GAB2: variants seen among roughly 807,000 people sequenced by gnomAD.
The protein encoded by GAB2 is GRB2 associated binding protein 2.
In GAB2, 26 loss-of-function variants were observed where a neutral mutation model predicts 65.5. The observed-to-expected ratio is 0.40, with a 90% confidence interval of 0.29 to 0.55. GAB2 has a LOEUF of 0.55. Ranked by LOEUF, GAB2 falls within the 20% of genes least tolerant of loss-of-function variation. GAB2 has a pLI of 0.53. For synonymous variants in GAB2, 321 were observed against 329.6 expected, an observed-to-expected ratio of 0.97 and a Z score of 0.28; for missense variants, 884 against 875.8, an observed-to-expected ratio of 1.01 and a Z score of -0.12.
At chr11:78,313,210 C>T (rs1591028581) in intron 1 of GAB2, among the ~76,000 whole-genome samples, 1 of 151,190 alleles carries the variant, frequency 6.6e-6, no homozygotes, top group East Asian at 1.9e-4. Flanking sequence ...TTTCCCAGCA[C>T]TTTTTTTTTC....
chr11:78,220,521 G>A (rs1864371392), intron 8 of GAB2, 77 bp from the exon 9 acceptor site: 14 of 1,290,186 alleles, frequency 1.1e-5, no homozygotes, highest in Non-Finnish European at 1.5e-5. Flanking sequence ...ACCTCTGGGA[G>A]TAAGAACACT....
intron 1 of GAB2, among the ~76,000 whole-genome samples, chr11:78,361,142 T>C (rs554620324): frequency 6.6e-6 from 1 of 152,306 alleles, no homozygotes; most frequent in South Asian, 2.1e-4. Flanking sequence ...ATGGGAAAGA[T>C]TTAATGACAC....
intron 1 of GAB2, among the ~76,000 whole-genome samples, chr11:78,295,824 A>G (rs1488396179): frequency 1.3e-5 from 2 of 152,190 alleles, no homozygotes; most frequent in African/African-American, 2.4e-5. Context: ...TTTCAGGAAA[A>G]GAGAGTAAGA....
chr11:78,370,828 T>C (rs1161703133), intron 1 of GAB2, among the ~76,000 whole-genome samples: 3 of 152,040 alleles, frequency 2.0e-5, no homozygotes, highest in Admixed American at 2.0e-4. Context: ...TTCCAACTGC[T>C]CTGGTCAGTG....
At position 78,309,053 on chromosome 11, in the gene GAB2, G is replaced by A. The variant is rs1855432377; in HGVS notation, c.76-28152C>T. Among the ~76,000 whole-genome samples, 3 of 151,766 alleles carry A rather than the reference G, an allele frequency of 2.0e-5. No homozygotes were observed. The South Asian group carries it at 6.2e-4, about 31-fold the overall frequency. ...CCTGAGTAATGTCACTGGGAGTGGG[G>A]ACAGAAAAAAAGGTATTTGAGAATT... On this transcript the variant is annotated intron_variant, in intron 1 of 9. Transcript: ENST00000361507.
intron 2 of GAB2, among the ~76,000 whole-genome samples, chr11:78,258,998 AT>A (rs893223088): frequency 1.2e-3 from 176 of 151,574 alleles, no homozygotes; most frequent in African/African-American, 4.0e-3. Context: ...CCCAATAGTT[AT>A]TTTTTTTGCT....
Position 78,349,582 on chromosome 11 carries a change from A to G in GAB2, c.75+68064T>C, listed in dbSNP as rs554039012. ...TCCCTACAGTGCTTAGGGCATCCTC[A>G]GAAAGGAAAAGCCCTGATAGCCTAG... On this transcript the variant is annotated intron_variant, in intron 1 of 9. Transcript: ENST00000361507. Among the ~76,000 whole-genome samples, 4 of 152,346 alleles carry G rather than the reference A, an allele frequency of 2.6e-5. No homozygotes were observed. The South Asian group carries it at 8.3e-4, about 32-fold the overall frequency.
intron 1 of GAB2, among the ~76,000 whole-genome samples, chr11:78,294,163 G>C (rs1410795197): frequency 2.0e-5 from 3 of 152,140 alleles, no homozygotes; most frequent in Non-Finnish European, 2.9e-5. Flanking sequence ...GTGAGAACAT[G>C]CGGTGTTTGG....
At chr11:78,382,807 A>G (rs1178976724) in intron 1 of GAB2, among the ~76,000 whole-genome samples, 5 of 152,216 alleles carry the variant, frequency 3.3e-5, no homozygotes, top group African/African-American at 1.2e-4. Context: ...GAAAACATTT[A>G]TTTTATTTGT....
chr11:78,346,392 CAT>C (rs1306214609), intron 1 of GAB2, among the ~76,000 whole-genome samples: 1 of 152,028 alleles, frequency 6.6e-6, no homozygotes, highest in Non-Finnish European at 1.5e-5. Context: ...TAAGCACACA[CAT>C]GTGCCAGAAA....
Position 78,287,487 on chromosome 11 carries a change from A to T in GAB2, c.76-6586T>A, listed in dbSNP as rs548770478. 6.6e-5 allele frequency among the ~76,000 whole-genome samples: 10 copies of T among 152,202 alleles called. No individual in the cohort carries two copies. In the South Asian group the frequency reaches 2.1e-3, roughly 32 times the overall value. On this transcript the variant is annotated intron_variant, in intron 1 of 9. Transcript: ENST00000361507. ...AGATGGGGGTCTCACTATTTTTCCCAGGCTGTTCTTAAACTCCTGGGCTCA... is the reference window on the plus strand; with the variant it reads ...AGATGGGGGTCTCACTATTTTTCCCTGGCTGTTCTTAAACTCCTGGGCTCA...
intron 1 of GAB2, among the ~76,000 whole-genome samples, chr11:78,346,448 G>T (rs1198833222): frequency 2.0e-5 from 3 of 151,846 alleles, no homozygotes; most frequent in African/African-American, 4.8e-5. Flanking sequence ...CCATTTTACA[G>T]AATAGGAAAT....
chr11:78,390,720 G>A (rs1856823931), intron 1 of GAB2, among the ~76,000 whole-genome samples: 1 of 152,178 alleles, frequency 6.6e-6, no homozygotes, highest in South Asian at 2.1e-4. Flanking sequence ...CCGAAAGACA[G>A]AATAAGTCTC....
Position 78,305,943 on chromosome 11 carries a change from T to C in GAB2, c.76-25042A>G, listed in dbSNP as rs116721523. Among the ~76,000 whole-genome samples, 527 of 152,318 alleles carry C rather than the reference T, an allele frequency of 3.5e-3. 3 individuals carry two copies. The highest frequency in any genetic ancestry group is 0.012 in the African/African-American group (501 of 41,562). Reference sequence around the variant, plus strand: ...AAAATTCTAAGACTGAAACAAACCATTTCTGTCCTTAATCCTTCTCTGAGC... The same window carrying C: ...AAAATTCTAAGACTGAAACAAACCACTTCTGTCCTTAATCCTTCTCTGAGC... On this transcript the variant is annotated intron_variant, in intron 1 of 9. Transcript: ENST00000361507.
chr11:78,269,059 G>C (rs1433243177), intron 2 of GAB2, among the ~76,000 whole-genome samples: 2 of 151,358 alleles, frequency 1.3e-5, no homozygotes, highest in East Asian at 1.9e-4. Flanking sequence ...AAAGGAATTA[G>C]AATTTCAGAT....
At chr11:78,256,803 A>T (rs1590971701) in intron 2 of GAB2, among the ~76,000 whole-genome samples, 1 of 152,194 alleles carries the variant, frequency 6.6e-6, no homozygotes, top group South Asian at 2.1e-4. Flanking sequence ...GGGAGAAGAA[A>T]AGAATGGTGA....
chr11:78,375,369 A>G (rs1183971553), intron 1 of GAB2, among the ~76,000 whole-genome samples: 1 of 152,184 alleles, frequency 6.6e-6, no homozygotes, highest in Non-Finnish European at 1.5e-5. Context: ...TAATTAAAGT[A>G]CTTTTTGATC....
At chr11:78,232,127 GGTCA>G (rs1466219495) in intron 3 of GAB2, among the ~76,000 whole-genome samples, 1 of 152,198 alleles carries the variant, frequency 6.6e-6, no homozygotes, top group African/African-American at 2.4e-5. Context: ...TTTTGCCTTT[GGTCA>G]GTCAATCAAA....
chr11:78,410,840 A>G (rs1055580638), intron 1 of GAB2, among the ~76,000 whole-genome samples: 3 of 152,024 alleles, frequency 2.0e-5, no homozygotes, highest in Admixed American at 6.6e-5. Flanking sequence ...AAAGAATTAT[A>G]CCAGTTCTAC....
Sources: allele counts gnomAD v4.1 joint callset (sites outside exome capture counted in the v4.1 genomes callset), GRCh38; gene constraint gnomAD v4.1.1; transcripts MANE v1.5; gene names NCBI Gene and HGNC (gene_info 2026-07-23, HGNC 2026-07-21).